TMC1: variants seen among roughly 807,000 people sequenced by gnomAD.
TMC1 encodes transmembrane channel-like protein 1.
In TMC1, 84 loss-of-function variants were observed where a neutral mutation model predicts 105.8. That is an observed-to-expected ratio of 0.79 (90% confidence interval 0.67 to 0.95). The LOEUF (loss-of-function observed/expected upper bound fraction) is 0.95, where lower values mean the gene tolerates loss of function less well. Among genes scored for constraint, TMC1 ranks in the 40% least tolerant of loss-of-function variants. TMC1 has a pLI of 0.00. For missense variants in TMC1, 817 were observed against 914.1 expected (o/e 0.89, Z 1.37); for synonymous variants, 315 against 311.5 (o/e 1.01, Z -0.12).
chr9:72,578,960 T>C (rs1824432775), intron 2 of TMC1, among the ~76,000 whole-genome samples: 1 of 152,118 alleles, frequency 6.6e-6, no homozygotes, highest in African/African-American at 2.4e-5. Context: ...ACTATTGTGG[T>C]TGGATTGGGG....
chr9:72,835,912 C>CTTT, intron 23 of TMC1, 39 bp from the exon 24 acceptor site: 8 of 1,436,220 alleles, frequency 5.6e-6, no homozygotes, highest in South Asian at 1.2e-5. Context: ...TCTCTCTCTC[C>CTTT]TTGTTTTTTT....
intron 5 of TMC1, among the ~76,000 whole-genome samples, chr9:72,650,424 G>C (rs1825783258): frequency 1.3e-5 from 2 of 152,114 alleles, no homozygotes; most frequent in African/African-American, 4.8e-5. Context: ...GTGATGACTA[G>C]AGGTAAAGGA....
chr9:72,772,687 G>A (rs1481166751), intron 13 of TMC1, 132 bp downstream of exon 13: 3 of 1,247,116 alleles, frequency 2.4e-6, no homozygotes, highest in East Asian at 4.7e-5. Flanking sequence ...GAGATGAAAT[G>A]TAGTTTTAAT....
chr9:72,631,576 C>A (rs1215768133), intron 4 of TMC1, among the ~76,000 whole-genome samples: 1 of 152,198 alleles, frequency 6.6e-6, no homozygotes, highest in Non-Finnish European at 1.5e-5. Context: ...CAAACTATAT[C>A]TCTCAGAGTA....
intron 1 of TMC1, among the ~76,000 whole-genome samples, chr9:72,552,376 C>T (rs1469660115): frequency 6.6e-6 from 1 of 152,158 alleles, no homozygotes; most frequent in Admixed American, 6.5e-5. Flanking sequence ...CCAGAAGAGA[C>T]TTGTAAGCAT....
chr9:72,752,369 A>C (rs911330815), intron 11 of TMC1, among the ~76,000 whole-genome samples: 3 of 152,070 alleles, frequency 2.0e-5, no homozygotes, highest in African/African-American at 7.2e-5. Context: ...ATGCAACTCA[A>C]AGCCTCCAGA....
rs1035219724 is a variant in TMC1, at chr9:72,681,660, G to A, written c.17-7049G>A. On this transcript the variant is annotated intron_variant, in intron 5 of 23. Transcript: ENST00000297784. ...CGTACAATAAAAGCAGAAGGAAAACGTGCAAAAAAATTGGTGTGCATCCCT... is the reference window on the plus strand; with the variant it reads ...CGTACAATAAAAGCAGAAGGAAAACATGCAAAAAAATTGGTGTGCATCCCT... 3.3e-5 allele frequency among the ~76,000 whole-genome samples: 5 copies of A among 152,050 alleles called. No homozygotes were observed. In the East Asian group the frequency reaches 7.7e-4, roughly 23 times the overall value.
At chr9:72,778,065 G>A (rs540256127) in intron 13 of TMC1, among the ~76,000 whole-genome samples, 1 of 152,290 alleles carries the variant, frequency 6.6e-6, no homozygotes, top group Non-Finnish European at 1.5e-5. Flanking sequence ...GTGCTCAGTT[G>A]GGGAAATATT....
intron 4 of TMC1, 36 bp from the exon 5 acceptor site, chr9:72,648,561 G>T: frequency 8.1e-7 from 1 of 1,238,322 alleles, no homozygotes; most frequent in South Asian, 1.2e-5. Flanking sequence ...GGATGTGCTA[G>T]ATCAAACCTG....
chr9:72,705,023 A>G (rs2117885597), intron 8 of TMC1, among the ~76,000 whole-genome samples: 1 of 152,268 alleles, frequency 6.6e-6, no homozygotes, highest in South Asian at 2.1e-4. Flanking sequence ...TTTATTAATC[A>G]CATCATTTAA....
intron 20 of TMC1, among the ~76,000 whole-genome samples, chr9:72,823,932 T>C (rs1030964678): frequency 6.6e-6 from 1 of 152,242 alleles, no homozygotes; most frequent in Non-Finnish European, 1.5e-5. Context: ...ATAACAACTT[T>C]TTAGCATTTT....
chr9:72,772,043 A>G (rs1827935328), intron 12 of TMC1, among the ~76,000 whole-genome samples: 1 of 152,160 alleles, frequency 6.6e-6, no homozygotes, highest in African/African-American at 2.4e-5. Context: ...TTGAGGAAGC[A>G]TTTTTCAGAT....
At chr9:72,653,621 C>T (rs1056929060) in intron 5 of TMC1, among the ~76,000 whole-genome samples, 1 of 152,136 alleles carries the variant, frequency 6.6e-6, no homozygotes, top group African/African-American at 2.4e-5. Context: ...CCTTAGTATA[C>T]TTTAGGCACA....
intron 4 of TMC1, among the ~76,000 whole-genome samples, chr9:72,645,193 C>T (rs1390695017): frequency 1.3e-5 from 2 of 152,144 alleles, no homozygotes; most frequent in African/African-American, 4.8e-5. Flanking sequence ...GTAATAGCCA[C>T]AACCATATAC....
At position 72,788,996 on chromosome 9, in the gene TMC1, G is replaced by C; in HGVS notation, c.1030-127G>C. ...CCTGGTTTGTGGAATCTCAGATTTA[G>C]TTTACATTGTCATTCCTCACATTCT... On this transcript the variant is annotated intron_variant, in intron 14 of 23. Transcript: ENST00000297784. 5.3e-6 allele frequency: 5 copies of C among 939,754 alleles called. No individual in the cohort carries two copies. The South Asian group carries it at 7.3e-5, about 14-fold the overall frequency. 58.2% of individuals were successfully genotyped at this position (939,754 alleles called of 1,614,324 possible). A position where few individuals can be genotyped will look rare whatever the true frequency, so the allele number is the denominator to read the frequency against.
At chr9:72,609,710 T>C (rs530581776) in intron 2 of TMC1, among the ~76,000 whole-genome samples, 9 of 152,330 alleles carry the variant, frequency 5.9e-5, no homozygotes, top group African/African-American at 2.2e-4. Flanking sequence ...TACTTGGAAA[T>C]CATGACTAGC....
intron 2 of TMC1, among the ~76,000 whole-genome samples, chr9:72,596,559 A>G (rs1385352816): frequency 1.3e-5 from 2 of 149,836 alleles, no homozygotes; most frequent in African/African-American, 2.4e-5. Context: ...AAAAAAAAAA[A>G]AAGACAGAAA....
At chr9:72,750,536 G>C (rs1230275882) in intron 10 of TMC1, among the ~76,000 whole-genome samples, 2 of 140,990 alleles carry the variant, frequency 1.4e-5, no homozygotes, top group Non-Finnish European at 3.0e-5. Context: ...TCTGCTTTAA[G>C]AGGGTGCTTT....
At chr9:72,724,298 G>A (rs2117957600) in intron 8 of TMC1, among the ~76,000 whole-genome samples, 1 of 152,288 alleles carries the variant, frequency 6.6e-6, no homozygotes, top group South Asian at 2.1e-4. Context: ...ATGGTGGAAG[G>A]CATCACATGG....
Sources: gnomAD v4.1 joint callset for allele counts (sites outside exome capture counted in the v4.1 genomes callset) on GRCh38, gnomAD v4.1.1 for gene constraint, MANE v1.5 for transcripts, NCBI Gene and HGNC (gene_info 2026-07-23, HGNC 2026-07-21) for gene names.